Variants in PDZRN4 observed in about 807,000 individuals in gnomAD.
PDZRN4 encodes the protein PDZ domain containing ring finger 4.
In PDZRN4, 70 loss-of-function variants were observed where a neutral mutation model predicts 99.0. The observed-to-expected ratio is 0.71, with a 90% CI of 0.58 to 0.86. PDZRN4 has a LOEUF of 0.86. PDZRN4 is among the 40% of genes least tolerant of loss of function. The pLI, the probability that PDZRN4 is intolerant of heterozygous loss-of-function variation, is 0.00. For synonymous variants in PDZRN4, 551 were observed against 501.6 expected, an observed-to-expected ratio of 1.10 and a Z score of -1.32; for missense variants, 1,474 against 1,331.2, an observed-to-expected ratio of 1.11 and a Z score of -1.67.
At chr12:41,570,669 A>G (rs1247579413) in intron 9 of PDZRN4, among the ~76,000 whole-genome samples, 1 of 152,194 alleles carries the variant, frequency 6.6e-6, no homozygotes, top group Non-Finnish European at 1.5e-5. Context: ...CACGATATAT[A>G]AATTCAAATG....
At position 41,387,105 on chromosome 12, in the gene PDZRN4, C is replaced by A. The variant is rs989783054; in HGVS notation, c.844-119351C>A. On this transcript the variant is annotated intron_variant, in intron 3 of 9. Transcript: ENST00000402685. ...ACACCAAAAACAATGGCAATAAAAT[C>A]AAAAATTCACAAATAGGATCTAATT... Among the ~76,000 whole-genome samples, 3 of 152,046 alleles carry A rather than the reference C, an allele frequency of 2.0e-5. 1 individual carries two copies. Among genetic ancestry groups the A allele is most frequent in the South Asian group, 4.1e-4 (2 of 4,826 alleles).
chr12:41,516,378 G>C (rs924493704), intron 5 of PDZRN4, among the ~76,000 whole-genome samples: 1 of 152,056 alleles, frequency 6.6e-6, no homozygotes, highest in Non-Finnish European at 1.5e-5. Flanking sequence ...AATAAACATT[G>C]CTGCTACTAT....
At position 41,506,462 on chromosome 12, in the gene PDZRN4, G is replaced by T; in HGVS notation, c.850G>T (p.Gly284Trp). The T allele has an allele frequency of 1.9e-6, 3 of 1,610,854 alleles. No homozygotes were observed. Among genetic ancestry groups the T allele is most frequent in the Non-Finnish European group, 2.5e-6 (3 of 1,178,290 alleles). ...TGTCCTTATATGTTTGTAGGTCAAT[G>T]GGAAGGATCTTTCAAAGGCCACTCA... ...EIHDKIMEVN[G>W]KDLSKATHEE... The change falls in exon 4 of 10, where the codon GGG becomes TGG. Residue 284 changes from glycine (G) to tryptophan (W), a missense_variant. Coordinates refer to ENST00000402685, the MANE Select transcript of PDZRN4 (RefSeq NM_001164595.2).
chr12:41,431,033 G>A (rs1158282923), intron 3 of PDZRN4, among the ~76,000 whole-genome samples: 2 of 152,164 alleles, frequency 1.3e-5, no homozygotes, highest in Non-Finnish European at 2.9e-5. Flanking sequence ...CAAGGGGATG[G>A]TGGTAAACCA....
intron 3 of PDZRN4, among the ~76,000 whole-genome samples, chr12:41,312,394 T>C (rs1202767421): frequency 6.6e-6 from 1 of 152,192 alleles, no homozygotes; most frequent in Non-Finnish European, 1.5e-5. Context: ...GGTCTTGTAG[T>C]ATCTTCATTT....
Position 41,567,918 on chromosome 12 carries a change from A to G in PDZRN4, c.1584+19A>G, listed in dbSNP as rs1352222418. ...GGAGCAGGTAGGGCCAACAATTTGA[A>G]CTACATCATTTGATATGTTGCTTGT... is the stretch of plus-strand genomic sequence containing the variant. On this transcript the variant is annotated intron_variant, in intron 9 of 9. Transcript: ENST00000402685. 1 of 1,364,476 alleles carries G rather than the reference A, an allele frequency of 7.3e-7. No individual in the cohort carries two copies. Among genetic ancestry groups the G allele is most frequent in the Non-Finnish European group, 1.0e-6 (1 of 971,568 alleles). 84.5% of individuals were successfully genotyped at this position (1,364,476 alleles called of 1,614,324 possible).
chr12:41,258,993 A>G (rs909418714), intron 3 of PDZRN4, among the ~76,000 whole-genome samples: 2 of 151,984 alleles, frequency 1.3e-5, no homozygotes, highest in African/African-American at 4.8e-5. Flanking sequence ...ATTCATTAAC[A>G]CTCTCCTTTA....
At chr12:41,491,256 C>T (rs1937880670) in intron 3 of PDZRN4, among the ~76,000 whole-genome samples, 1 of 152,094 alleles carries the variant, frequency 6.6e-6, no homozygotes, top group South Asian at 2.1e-4. Flanking sequence ...GGAGTGGTGG[C>T]TCACACCTCT....
intron 3 of PDZRN4, among the ~76,000 whole-genome samples, chr12:41,382,395 G>A (rs147315992): frequency 6.6e-6 from 1 of 152,328 alleles, no homozygotes; most frequent in African/African-American, 2.4e-5. Context: ...CAAGGTAACT[G>A]ATTGCAAACT....
chr12:41,438,127 G>A, intron 3 of PDZRN4: 1 of 1,283,202 alleles, frequency 7.8e-7, no homozygotes, highest in African/African-American at 1.5e-5. Context: ...TCAGAATTGA[G>A]GGCAGACTTG....
intron 3 of PDZRN4, among the ~76,000 whole-genome samples, chr12:41,231,405 T>C (rs1951029114): frequency 6.6e-6 from 1 of 152,080 alleles, no homozygotes; most frequent in South Asian, 2.1e-4. Flanking sequence ...TCAGATTTGG[T>C]CTGTTGTGAC....
intron 3 of PDZRN4, among the ~76,000 whole-genome samples, chr12:41,471,864 T>C (rs1414579007): frequency 6.6e-6 from 1 of 151,932 alleles, no homozygotes; most frequent in Non-Finnish European, 1.5e-5. Context: ...AAATACATTT[T>C]CATACACTAA....
chr12:41,472,813 A>T lies in PDZRN4; in HGVS notation c.844-33643A>T, dbSNP rs528965233. On this transcript the variant is annotated intron_variant, in intron 3 of 9. Coordinates refer to ENST00000402685, the MANE Select transcript of PDZRN4 (RefSeq NM_001164595.2). ...ATAGCTAAATAACTTTCCCATAGGC[A>T]TTGCCCTGCTAACTAGTGGAATCAT... Among the ~76,000 whole-genome samples the T allele has an allele frequency of 5.3e-5, 8 of 152,344 alleles. No homozygotes were observed. In the South Asian group the frequency reaches 1.7e-3, roughly 32 times the overall value.
At chr12:41,331,037 T>C (rs1241939812) in intron 3 of PDZRN4, among the ~76,000 whole-genome samples, 1 of 152,126 alleles carries the variant, frequency 6.6e-6, no homozygotes, top group East Asian at 1.9e-4. Context: ...AAACTCAAAA[T>C]ATCTAAAATC....
At chr12:41,388,391 A>T (rs1305381802) in intron 3 of PDZRN4, among the ~76,000 whole-genome samples, 2 of 132,546 alleles carry the variant, frequency 1.5e-5, no homozygotes, top group African/African-American at 7.0e-5. Context: ...AAAAGATTAA[A>T]AAAAAAAAAG....
intron 3 of PDZRN4, among the ~76,000 whole-genome samples, chr12:41,202,401 G>T (rs901554655): frequency 1.3e-5 from 2 of 152,052 alleles, no homozygotes; most frequent in African/African-American, 4.8e-5. Flanking sequence ...GATAGGAATG[G>T]AAACTTTCCC....
intron 5 of PDZRN4, among the ~76,000 whole-genome samples, chr12:41,549,176 C>A (rs1392387645): frequency 2.6e-5 from 4 of 152,078 alleles, no homozygotes; most frequent in African/African-American, 9.7e-5. Context: ...AGAAAATGTA[C>A]AGAGGTAGCA....
intron 3 of PDZRN4, among the ~76,000 whole-genome samples, chr12:41,505,641 C>A (rs1158114641): frequency 6.6e-6 from 1 of 151,918 alleles, no homozygotes; most frequent in African/African-American, 2.4e-5. Context: ...ATGGTTTCTG[C>A]CCCTGTTGAA....
chr12:41,257,379 C>G (rs939365258), intron 3 of PDZRN4, among the ~76,000 whole-genome samples: 5 of 152,140 alleles, frequency 3.3e-5, no homozygotes. Flanking sequence ...CCTGTTCATG[C>G]GGGTGCTTGC....
Sources: allele counts gnomAD v4.1 joint callset (sites outside exome capture counted in the v4.1 genomes callset), GRCh38; gene constraint gnomAD v4.1.1; transcripts MANE v1.5; gene names NCBI Gene and HGNC (gene_info 2026-07-23, HGNC 2026-07-21).